ADK: variants seen among roughly 807,000 people sequenced by gnomAD.
ADK encodes the protein N6,N6-dimethyladenosine kinase.
Under a neutral mutation model 44.7 loss-of-function variants are expected in ADK, and 24 were observed. That is an observed-to-expected ratio of 0.54 (90% confidence interval 0.39 to 0.76). The LOEUF is 0.76. ADK is among the 30% of genes least tolerant of loss of function. The probability of loss-of-function intolerance (pLI) is 0.00; values close to 1 mark genes in which losing one functional copy is unlikely to be tolerated. For missense variants in ADK, 321 were observed against 425.1 expected, an observed-to-expected ratio of 0.76 and a Z score of 2.15; for synonymous variants, 128 against 142.6, an observed-to-expected ratio of 0.90 and a Z score of 0.73.
chr10:74,244,204 T>C (rs908730478), intron 3 of ADK, among the ~76,000 whole-genome samples: 15 of 152,232 alleles, frequency 9.9e-5, no homozygotes, highest in African/African-American at 2.9e-4. Flanking sequence ...AGAATTGTTA[T>C]GCAGTTTTTT....
chr10:74,165,488 A>T (rs1403424089), intron 1 of ADK, among the ~76,000 whole-genome samples: 1 of 151,200 alleles, frequency 6.6e-6, no homozygotes, highest in Non-Finnish European at 1.5e-5. Context: ...ATTAAATTTA[A>T]TTTTTTTTAA....
At chr10:74,407,809 A>G (rs1304661790) in intron 6 of ADK, among the ~76,000 whole-genome samples, 1 of 152,236 alleles carries the variant, frequency 6.6e-6, no homozygotes, top group African/African-American at 2.4e-5. Flanking sequence ...CCCTTCTTTG[A>G]TTATTATCCA....
At chr10:74,625,418 C>T (rs1287962278) in intron 9 of ADK, among the ~76,000 whole-genome samples, 1 of 151,930 alleles carries the variant, frequency 6.6e-6, no homozygotes, top group Non-Finnish European at 1.5e-5. Context: ...GATTTAAATG[C>T]TATGCTGGGC....
At chr10:74,356,015 T>A (rs796258418) in intron 4 of ADK, among the ~76,000 whole-genome samples, 2 of 133,060 alleles carry the variant, frequency 1.5e-5, no homozygotes, top group African/African-American at 5.6e-5. Flanking sequence ...TTTTTTTTTT[T>A]TTTTTTTTTT....
At chr10:74,633,835 C>T (rs1853524822) in intron 9 of ADK, among the ~76,000 whole-genome samples, 1 of 152,140 alleles carries the variant, frequency 6.6e-6, no homozygotes, top group Non-Finnish European at 1.5e-5. Flanking sequence ...CAAGTTGGCA[C>T]CAAGTAGCAT....
chr10:74,252,914 G>A (rs1845697939), intron 3 of ADK, among the ~76,000 whole-genome samples: 1 of 152,224 alleles, frequency 6.6e-6, no homozygotes, highest in Non-Finnish European at 1.5e-5. Flanking sequence ...AGTGGCCTGA[G>A]CTAAGGGAAA....
At chr10:74,507,940 A>G (rs1181491791) in intron 6 of ADK, among the ~76,000 whole-genome samples, 1 of 152,214 alleles carries the variant, frequency 6.6e-6, no homozygotes, top group Non-Finnish European at 1.5e-5. Flanking sequence ...GGGCATTGAC[A>G]TGTTGGTAAA....
At chr10:74,359,258 G>A (rs12415736) in intron 4 of ADK, among the ~76,000 whole-genome samples, 2,945 of 152,126 alleles carry the variant, frequency 0.019, 77 homozygotes, top group African/African-American at 0.057. Context: ...GTGTGATGCC[G>A]CAGCTTTCTC....
intron 1 of ADK, among the ~76,000 whole-genome samples, chr10:74,188,351 T>A (rs1392645245): frequency 7.9e-6 from 1 of 126,068 alleles, no homozygotes; most frequent in Non-Finnish European, 1.5e-5. Flanking sequence ...TAATTTTTTT[T>A]TTTTTTTTTT....
intron 7 of ADK, 101 bp from the exon 8 acceptor site, chr10:74,589,181 T>C (rs1851631155): frequency 1.4e-5 from 14 of 1,026,982 alleles, no homozygotes; most frequent in East Asian, 2.5e-5. Context: ...TATATTGAGA[T>C]AATTGTGTAA....
intron 7 of ADK, among the ~76,000 whole-genome samples, chr10:74,541,347 A>G (rs1368984292): frequency 6.6e-6 from 1 of 152,194 alleles, no homozygotes; most frequent in Admixed American, 6.5e-5. Context: ...GGTAATTTTA[A>G]TATGGCTATA....
intron 9 of ADK, among the ~76,000 whole-genome samples, chr10:74,647,925 A>G (rs1297160121): frequency 6.6e-6 from 1 of 152,196 alleles, no homozygotes; most frequent in East Asian, 1.9e-4. Context: ...TCAAGGTACA[A>G]TCAGCAACTA....
At chr10:74,511,943 A>G (rs1488258505) in intron 6 of ADK, among the ~76,000 whole-genome samples, 1 of 152,138 alleles carries the variant, frequency 6.6e-6, no homozygotes, top group Non-Finnish European at 1.5e-5. Flanking sequence ...ATGTTGAGGT[A>G]ATTTCAACAT....
intron 8 of ADK, among the ~76,000 whole-genome samples, chr10:74,595,199 G>C (rs1406354709): frequency 2.4e-5 from 3 of 123,428 alleles, no homozygotes; most frequent in Non-Finnish European, 3.3e-5. Context: ...AAAAAAAAAG[G>C]CTCTATGACT....
intron 7 of ADK, among the ~76,000 whole-genome samples, chr10:74,575,315 C>A (rs1433733433): frequency 6.6e-6 from 1 of 152,078 alleles, no homozygotes; most frequent in Non-Finnish European, 1.5e-5. Flanking sequence ...AGGAGATAAG[C>A]TATCTATACA....
chr10:74,310,547 T>G (rs1485288388), intron 3 of ADK, among the ~76,000 whole-genome samples: 1 of 152,152 alleles, frequency 6.6e-6, no homozygotes, highest in Non-Finnish European at 1.5e-5. Context: ...GATTCCTTAC[T>G]TTGGTCTCGT....
chr10:74,378,353 C>G (rs1194412857), intron 4 of ADK, among the ~76,000 whole-genome samples: 1 of 151,776 alleles, frequency 6.6e-6, no homozygotes, highest in Non-Finnish European at 1.5e-5. Flanking sequence ...TATTTTAGGC[C>G]TTTAATTTTA....
chr10:74,360,989 C>A (rs1842317742), intron 4 of ADK, among the ~76,000 whole-genome samples: 1 of 151,942 alleles, frequency 6.6e-6, no homozygotes. Context: ...CTCACTGCAA[C>A]CTCCAACTCC....
intron 1 of ADK, among the ~76,000 whole-genome samples, chr10:74,183,514 A>T (rs1435843082): frequency 1.4e-5 from 2 of 146,268 alleles, no homozygotes; most frequent in Non-Finnish European, 3.0e-5. Context: ...GAAATATACT[A>T]TTTTTTTTTT....
Sources: allele counts gnomAD v4.1 joint callset (sites outside exome capture counted in the v4.1 genomes callset), GRCh38; gene constraint gnomAD v4.1.1; transcripts MANE v1.5; gene names NCBI Gene and HGNC (gene_info 2026-07-23, HGNC 2026-07-21).